Variants in ATP10B observed in about 807,000 individuals in gnomAD.
ATP10B encodes phospholipid-transporting ATPase VB.
Under a neutral mutation model 141.2 loss-of-function variants are expected in ATP10B, and 122 were observed. The observed-to-expected ratio is 0.86, with a 90% confidence interval of 0.75 to 1.00. The LOEUF (loss-of-function observed/expected upper bound fraction) is 1.00, where lower values mean the gene tolerates loss of function less well. Among genes scored for constraint, ATP10B ranks in the 50% least tolerant of loss-of-function variants. The pLI, the probability that ATP10B is intolerant of heterozygous loss-of-function variation, is 0.00. For synonymous variants in ATP10B, 685 were observed against 692.0 expected (o/e 0.99, Z 0.16); for missense variants, 1,876 against 1,825.3 (o/e 1.03, Z -0.51).
intron 2 of ATP10B, among the ~76,000 whole-genome samples, chr5:160,733,244 T>C (rs1419077197): frequency 6.6e-6 from 1 of 152,178 alleles, no homozygotes; most frequent in Non-Finnish European, 1.5e-5. Flanking sequence ...CTTGATTTCC[T>C]TTTTAGTTGG....
rs1438826830 is a variant in ATP10B at position 160,574,834 on chromosome 5, C to T, written c.3751-5151G>A. 3.6e-5 allele frequency among the ~76,000 whole-genome samples: 5 copies of T among 140,636 alleles called. No homozygotes were observed. The Admixed American group carries it at 3.7e-4, about 10-fold the overall frequency. 92.3% of individuals were successfully genotyped at this position (140,636 alleles called of 152,430 possible). A position where few individuals can be genotyped will look rare whatever the true frequency, so the allele number is the denominator to read the frequency against. ...TTTTTTTGTGCCCTTCCCAAAGATGCAGCAAGAGGACACCATTTGAAGCAG... is the reference window on the plus strand; with the variant it reads ...TTTTTTTGTGCCCTTCCCAAAGATGTAGCAAGAGGACACCATTTGAAGCAG... On this transcript the variant is annotated intron_variant, in intron 24 of 25. Transcript: ENST00000327245.
chr5:160,809,752 C>T (rs1385448025), intron 1 of ATP10B, among the ~76,000 whole-genome samples: 1 of 152,130 alleles, frequency 6.6e-6, no homozygotes, highest in Non-Finnish European at 1.5e-5. Context: ...TGTTCTAGCA[C>T]AGTTTAACAG....
chr5:160,831,666 C>T (rs1775089003), intron 1 of ATP10B, among the ~76,000 whole-genome samples: 1 of 152,038 alleles, frequency 6.6e-6, no homozygotes, highest in Non-Finnish European at 1.5e-5. Flanking sequence ...GCAAAAAGCC[C>T]TTCTGGAATA....
intron 24 of ATP10B, 64 bp downstream of exon 24, chr5:160,589,528 A>C: frequency 7.8e-7 from 1 of 1,276,150 alleles, no homozygotes. Flanking sequence ...ACAATTCAGA[A>C]ATTTGAGTAT....
chr5:160,864,331 T>C, the ATP10B span, among the ~76,000 whole-genome samples: 3 of 152,002 alleles, frequency 2.0e-5, no homozygotes, highest in African/African-American at 7.2e-5. Context: ...ACAAAAATTA[T>C]GTGATCATCT....
chr5:160,618,051 C>A, intron 15 of ATP10B, 78 bp from the exon 16 acceptor site: 1 of 1,094,270 alleles, frequency 9.1e-7, no homozygotes, highest in South Asian at 1.3e-5. Flanking sequence ...CTGGAATCTC[C>A]TGTAGTAGAC....
At chr5:160,767,450 G>GATATTA (rs2127849218) in intron 2 of ATP10B, among the ~76,000 whole-genome samples, 1 of 152,162 alleles carries the variant, frequency 6.6e-6, no homozygotes. Flanking sequence ...GAGATATTAA[G>GATATTA]CGTATTTTCT....
chr5:160,729,541 G>T (rs1766595430), intron 2 of ATP10B, among the ~76,000 whole-genome samples: 1 of 152,168 alleles, frequency 6.6e-6, no homozygotes, highest in Non-Finnish European at 1.5e-5. Context: ...AAAACAAAAG[G>T]CTAACTAAAT....
intron 24 of ATP10B, among the ~76,000 whole-genome samples, chr5:160,580,859 G>T (rs1411675584): frequency 2.0e-5 from 3 of 151,964 alleles, no homozygotes. Context: ...CTGTTCAGGG[G>T]TTTGACTTCT....
At chr5:160,797,889 G>A (rs557900387) in intron 1 of ATP10B, among the ~76,000 whole-genome samples, 8 of 149,140 alleles carry the variant, frequency 5.4e-5, no homozygotes, top group South Asian at 2.1e-4. Flanking sequence ...CCAGGAGTTC[G>A]AGACCAGCCT....
At chr5:160,662,835 A>C (rs1345417496) in intron 7 of ATP10B, among the ~76,000 whole-genome samples, 1 of 152,250 alleles carries the variant, frequency 6.6e-6, no homozygotes, top group Non-Finnish European at 1.5e-5. Flanking sequence ...ACAGCAAAAG[A>C]AGCTACCATC....
the ATP10B span, among the ~76,000 whole-genome samples, chr5:160,899,041 A>G: frequency 2.0e-5 from 3 of 152,266 alleles, no homozygotes; most frequent in East Asian, 5.8e-4. Context: ...AATACCTAAT[A>G]TAGGTAACGG....
At chr5:160,729,270 C>G (rs6882027) in intron 2 of ATP10B, among the ~76,000 whole-genome samples, 134,484 of 151,946 alleles carry the variant, frequency 0.89, 59,790 homozygotes, top group African/African-American at 0.97. Flanking sequence ...CCACTTGGTT[C>G]ATCAGAGCAT....
At chr5:160,834,015 C>T (rs750154136) in intron 1 of ATP10B, among the ~76,000 whole-genome samples, 3 of 152,076 alleles carry the variant, frequency 2.0e-5, no homozygotes, top group Admixed American at 6.6e-5. Context: ...ATCTAATAGA[C>T]TCCTGGTTGT....
intron 21 of ATP10B, among the ~76,000 whole-genome samples, chr5:160,600,233 C>G (rs560275397): frequency 4.2e-4 from 64 of 152,316 alleles, no homozygotes; most frequent in African/African-American, 1.5e-3. Context: ...TAGGCCCACT[C>G]TACAGATGAA....
intron 1 of ATP10B, among the ~76,000 whole-genome samples, chr5:160,837,821 C>T (rs1435002779): frequency 1.3e-5 from 2 of 151,970 alleles, no homozygotes; most frequent in Non-Finnish European, 2.9e-5. Context: ...CCATTCTTGC[C>T]CTGGAGATAC....
chr5:160,767,636 C>G (rs1012596444), intron 2 of ATP10B, among the ~76,000 whole-genome samples: 3 of 60,752 alleles, frequency 4.9e-5, no homozygotes, highest in Admixed American at 1.9e-4. Flanking sequence ...GTGTGCAGAA[C>G]CCCCCCCCCC....
the ATP10B span, among the ~76,000 whole-genome samples, chr5:160,887,429 AAC>A: frequency 6.6e-6 from 1 of 152,188 alleles, no homozygotes; most frequent in African/African-American, 2.4e-5. Flanking sequence ...GTTGCTTGAA[AAC>A]ACAGGTTCAG....
At chr5:160,841,294 G>GA (rs961432847) in intron 1 of ATP10B, among the ~76,000 whole-genome samples, 13 of 149,932 alleles carry the variant, frequency 8.7e-5, no homozygotes, top group East Asian at 3.9e-4. Context: ...ATTGTTAGGT[G>GA]AAAAAAAAAG....
Sources: gnomAD v4.1 joint callset for allele counts (sites outside exome capture counted in the v4.1 genomes callset) on GRCh38, gnomAD v4.1.1 for gene constraint, MANE v1.5 for transcripts, NCBI Gene and HGNC (gene_info 2026-07-23, HGNC 2026-07-21) for gene names.